CFAP206: variants seen among roughly 807,000 people sequenced by gnomAD.
The protein encoded by CFAP206 is cilia and flagella associated protein 206.
In CFAP206, 53 loss-of-function variants were observed where a neutral mutation model predicts 65.4. The observed-to-expected ratio is 0.81, with a 90% CI of 0.65 to 1.02. The LOEUF is 1.02. Ranked by LOEUF, CFAP206 falls within the 50% of genes least tolerant of loss-of-function variation. The pLI is 0.00. For synonymous variants in CFAP206, 250 were observed against 254.4 expected, an observed-to-expected ratio of 0.98 and a Z score of 0.17; for missense variants, 663 against 753.2, an observed-to-expected ratio of 0.88 and a Z score of 1.40.
rs113916755 is a variant in CFAP206 at position 87,433,007 on chromosome 6, T to G, written c.1300+1834T>G. 4.2e-4 allele frequency among the ~76,000 whole-genome samples: 64 copies of G among 152,330 alleles called. 2 individuals carry two copies. The highest frequency in any genetic ancestry group is 1.4e-3 in the African/African-American group (59 of 41,540). ...TCCTTTTCCGATGACTTCATTGACTTCATTGCCTACCACGCTTTGCCTCGT... is the reference window on the plus strand; with the variant it reads ...TCCTTTTCCGATGACTTCATTGACTGCATTGCCTACCACGCTTTGCCTCGT... On this transcript the variant is annotated intron_variant, in intron 10 of 12. Coordinates refer to ENST00000369562, the MANE Select transcript of CFAP206 (RefSeq NM_001031743.3).
chr6:87,411,405 A>G (rs1582130767), intron 3 of CFAP206, among the ~76,000 whole-genome samples: 1 of 152,116 alleles, frequency 6.6e-6, no homozygotes, highest in Middle Eastern at 3.4e-3. Flanking sequence ...GAGTTGTTTG[A>G]GTTCCTCGTA....
At chr6:87,441,786 T>G (rs1438852693) in intron 11 of CFAP206, 4 of 245,252 alleles carry the variant, frequency 1.6e-5, no homozygotes, top group Non-Finnish European at 3.3e-5. Context: ...TGGGCACACT[T>G]GGTGAGAAGG....
rs961867753 is a variant in CFAP206 at position 87,426,527 on chromosome 6, C to A, written c.842C>A (p.Ser281Ter). 3 of 1,567,606 alleles carry A rather than the reference C, an allele frequency of 1.9e-6. No homozygotes were observed. The highest frequency in any genetic ancestry group is 1.2e-5 in the South Asian group (1 of 82,294). Reference protein sequence around the residue: ...QYEVFLQIILSDIITGAQEVE... With the variant: ...QYEVFLQIIL ...ATGCAAATTATGTTGTTTTCACAGT[C>A]AGATATAATTACTGGTGCTCAAGAA... The change falls in exon 8 of 13, where the codon TCA (serine) becomes TAA (stop). Residue 281 changes from serine (S) to a stop codon, truncating the protein, a stop_gained and splice_region_variant. Transcript: ENST00000369562. LOFTEE classifies it high-confidence loss of function.
chr6:87,429,197 A>G (rs1264427568), intron 9 of CFAP206, among the ~76,000 whole-genome samples: 2 of 151,752 alleles, frequency 1.3e-5, no homozygotes, highest in African/African-American at 2.4e-5. Flanking sequence ...ATTGCACTCT[A>G]GCCTGGGTGA....
At chr6:87,433,534 C>G (rs1204150189) in intron 10 of CFAP206, among the ~76,000 whole-genome samples, 1 of 152,056 alleles carries the variant, frequency 6.6e-6, no homozygotes, top group East Asian at 1.9e-4. Flanking sequence ...TTTTGTAGTT[C>G]TTACTGGGTT....
chr6:87,427,580 A>G (rs989373233), intron 8 of CFAP206, among the ~76,000 whole-genome samples: 1 of 152,202 alleles, frequency 6.6e-6, no homozygotes, highest in Non-Finnish European at 1.5e-5. Flanking sequence ...CATTTGTTCT[A>G]TAAGTCAGTG....
chr6:87,437,376 GT>G (rs59385585), intron 11 of CFAP206, among the ~76,000 whole-genome samples: 6 of 150,370 alleles, frequency 4.0e-5, no homozygotes, highest in Non-Finnish European at 7.4e-5. Context: ...AACTTTTGCC[GT>G]TTTTTTTTCC....
At chr6:87,460,539 C>T (rs965165697) in intron 11 of CFAP206, among the ~76,000 whole-genome samples, 1 of 152,074 alleles carries the variant, frequency 6.6e-6, no homozygotes. Flanking sequence ...GAAAACCAAA[C>T]ACTGCATGTT....
At chr6:87,460,962 G>C in intron 11 of CFAP206, 60 bp from the exon 12 acceptor site, 1 of 1,423,206 alleles carries the variant, frequency 7.0e-7, no homozygotes, top group Non-Finnish European at 9.4e-7. Context: ...AAATATTTTA[G>C]TTATCAGTAA....
At chr6:87,415,656 A>C in intron 4 of CFAP206, 30 bp from the exon 5 acceptor site, 1 of 1,582,528 alleles carries the variant, frequency 6.3e-7, no homozygotes, top group East Asian at 2.2e-5. Context: ...AAAATTAAAT[A>C]TATAGAACAT....
chr6:87,418,173 C>T, intron 6 of CFAP206, 35 bp from the exon 7 acceptor site: 12 of 1,593,916 alleles, frequency 7.5e-6, no homozygotes, highest in Non-Finnish European at 1.0e-5. Context: ...TTTTTAGTCT[C>T]CTTTATGGCT....
At chr6:87,413,775 A>T (rs1330332697) in intron 3 of CFAP206, 35 bp from the exon 4 acceptor site, 2 of 1,256,078 alleles carry the variant, frequency 1.6e-6, no homozygotes, top group Non-Finnish European at 2.3e-6. Flanking sequence ...CTCAAAAACT[A>T]TAACTAGAAG....
intron 7 of CFAP206, among the ~76,000 whole-genome samples, chr6:87,422,987 A>G (rs1177970965): frequency 2.6e-5 from 4 of 151,674 alleles, no homozygotes; most frequent in South Asian, 2.1e-4. Context: ...CGGTGGTGCA[A>G]TCTCGGTTTA....
chr6:87,416,521 T>C (rs998718453), intron 5 of CFAP206, 148 bp from the exon 6 acceptor site: 4 of 620,466 alleles, frequency 6.4e-6, no homozygotes, highest in African/African-American at 5.5e-5. Context: ...AGTTTTATTA[T>C]GTATCCTATA....
chr6:87,416,979 T>C (rs972296584), intron 6 of CFAP206, 152 bp downstream of exon 6: 4 of 687,062 alleles, frequency 5.8e-6, no homozygotes, highest in African/African-American at 5.4e-5. Flanking sequence ...CTGTTTATAA[T>C]GTGTAGTGAT....
chr6:87,408,288 G>C (rs369736660), intron 1 of CFAP206, among the ~76,000 whole-genome samples, 199 bp downstream of exon 1: 38 of 152,350 alleles, frequency 2.5e-4, no homozygotes, highest in African/African-American at 8.2e-4. Context: ...CGCCACCCCA[G>C]GGCTGCAGGG....
intron 2 of CFAP206, among the ~76,000 whole-genome samples, chr6:87,410,342 A>G (rs1767712724): frequency 1.3e-5 from 2 of 152,204 alleles, no homozygotes; most frequent in Admixed American, 6.5e-5. Context: ...ATTGCTTTCA[A>G]CTTATTTCCC....
intron 6 of CFAP206, among the ~76,000 whole-genome samples, chr6:87,417,847 C>T (rs2127948498): frequency 6.6e-6 from 1 of 151,456 alleles, no homozygotes. Context: ...CCTCCGCCTC[C>T]CGGGTTCAAG....
At position 87,431,122 on chromosome 6, in the gene CFAP206, C is replaced by G; in HGVS notation, c.1249C>G (p.Arg417Gly). 6.2e-7 allele frequency: 1 copy of G among 1,613,842 alleles called. No individual in the cohort carries two copies. The highest frequency in any genetic ancestry group is 1.1e-5 in the South Asian group (1 of 91,042). Residue 417 changes from arginine to glycine, a missense_variant, in exon 10 of 13, where the codon CGG (arginine) becomes GGG (glycine). Arg to Gly is a moderately radical substitution (Grantham distance 125). Transcript: ENST00000369562. ...ANFDKLLIQY[R>G]GFCAYTFAAT... ...TTTTGATAAACTGTTAATTCAATAT[C>G]GGGGATTTTGTGCTTACACGTTTGC...
Sources: gnomAD v4.1 joint callset for allele counts (sites outside exome capture counted in the v4.1 genomes callset) on GRCh38, gnomAD v4.1.1 for gene constraint, MANE v1.5 for transcripts, NCBI Gene and HGNC (gene_info 2026-07-23, HGNC 2026-07-21) for gene names.